The following SLC24A2 variants were observed in gnomAD, a reference collection of about 807,000 sequenced individuals.
SLC24A2 encodes the protein solute carrier family 24 member 2.
Under a neutral mutation model 62.0 loss-of-function variants are expected in SLC24A2, and 36 were observed. That is an observed-to-expected ratio of 0.58 (90% confidence interval 0.44 to 0.77). SLC24A2 has a LOEUF of 0.77. Among genes scored for constraint, SLC24A2 ranks in the 30% least tolerant of loss-of-function variants. SLC24A2 has a pLI of 0.00. For missense variants in SLC24A2, 846 were observed against 817.9 expected (o/e 1.03, Z -0.42); for synonymous variants, 358 against 294.0 (o/e 1.22, Z -2.23).
At chr9:19,918,819 T>C in the SLC24A2 span, among the ~76,000 whole-genome samples, 1 of 152,230 alleles carries the variant, frequency 6.6e-6, no homozygotes, top group Admixed American at 6.5e-5. Context: ...TCAGAGGAAC[T>C]GCCCTTACCA....
At chr9:19,895,939 T>C in the SLC24A2 span, 6 of 1,613,322 alleles carry the variant, frequency 3.7e-6, no homozygotes, top group Admixed American at 5.0e-5. Context: ...GTCAAACAGC[T>C]GCACGTGCTC....
the SLC24A2 span, among the ~76,000 whole-genome samples, chr9:20,152,631 G>C: frequency 6.6e-6 from 1 of 151,888 alleles, no homozygotes. Context: ...CAAACAATCA[G>C]TCTGGGAGTG....
the SLC24A2 span, among the ~76,000 whole-genome samples, chr9:20,104,569 T>C: frequency 6.6e-6 from 1 of 152,230 alleles, no homozygotes; most frequent in African/African-American, 2.4e-5. Context: ...AAAAGAACTT[T>C]CAACCCAGAA....
chr9:19,687,079 G>T (rs1385874229), intron 2 of SLC24A2, among the ~76,000 whole-genome samples: 1 of 152,024 alleles, frequency 6.6e-6, no homozygotes, highest in Non-Finnish European at 1.5e-5. Flanking sequence ...GCTAAACATT[G>T]AGTACACATA....
intron 2 of SLC24A2, among the ~76,000 whole-genome samples, chr9:19,654,882 C>T (rs568986779): frequency 2.9e-4 from 44 of 152,236 alleles, no homozygotes; most frequent in Non-Finnish European, 4.4e-5. Context: ...TGGAGACAAA[C>T]AAAAGGGACC....
the SLC24A2 span, among the ~76,000 whole-genome samples, chr9:19,906,140 G>A: frequency 3.9e-5 from 6 of 152,324 alleles, no homozygotes; most frequent in African/African-American, 1.4e-4. Context: ...TCAGACCACA[G>A]TGCAATCAAA....
At chr9:19,811,726 T>C in the SLC24A2 span, among the ~76,000 whole-genome samples, 27,457 of 152,154 alleles carry the variant, frequency 0.18, 3,093 homozygotes, top group South Asian at 0.31. Flanking sequence ...TCTGATAACA[T>C]TAAAACTTTA....
Position 19,779,507 on chromosome 9 carries a change from T to G in SLC24A2, c.930+6430A>C, listed in dbSNP as rs142473709. On this transcript the variant is annotated intron_variant, in intron 2 of 10. Transcript: ENST00000341998. Reference sequence around the variant, plus strand: ...CTACTCACTACTTTTGTCCTATATTTCAAGAACAAAAGTGAAATAAAACTC... The same window carrying G: ...CTACTCACTACTTTTGTCCTATATTGCAAGAACAAAAGTGAAATAAAACTC... 2.1e-3 allele frequency among the ~76,000 whole-genome samples: 321 copies of G among 152,310 alleles called. 4 individuals carry two copies. Among genetic ancestry groups the G allele is most frequent in the African/African-American group, 7.4e-3 (309 of 41,568 alleles).
At chr9:19,902,361 G>A in the SLC24A2 span, among the ~76,000 whole-genome samples, 2 of 152,234 alleles carry the variant, frequency 1.3e-5, no homozygotes, top group African/African-American at 4.8e-5. Context: ...AATGGAAAAA[G>A]GACATTTTAG....
rs904626987 is a variant in SLC24A2 at position 19,631,009 on chromosome 9, C to T, written c.931-8710G>A. Among the ~76,000 whole-genome samples, 39 of 152,138 alleles carry T rather than the reference C, an allele frequency of 2.6e-4. 1 individual carries two copies. Among genetic ancestry groups the T allele is most frequent in the Admixed American group, 6.6e-5 (1 of 15,262 alleles). The stretch of plus-strand genomic sequence containing the variant: ...TGGCTACTTCCACATTCCATTTCCA[C>T]TGTGTGTCCCCTCCTCCCCACTTCC... On this transcript the variant is annotated intron_variant, in intron 2 of 10. Coordinates refer to ENST00000341998, the MANE Select transcript of SLC24A2 (RefSeq NM_020344.4).
At chr9:20,076,093 C>A in the SLC24A2 span, among the ~76,000 whole-genome samples, 1 of 151,344 alleles carries the variant, frequency 6.6e-6, no homozygotes, top group Non-Finnish European at 1.5e-5. Flanking sequence ...TGCAATCATT[C>A]TTTTTTTTTC....
At chr9:20,026,418 T>A in the SLC24A2 span, among the ~76,000 whole-genome samples, 1 of 152,210 alleles carries the variant, frequency 6.6e-6, no homozygotes, top group Non-Finnish European at 1.5e-5. Flanking sequence ...TTGGAGCTAT[T>A]ATTAGCTATT....
At chr9:19,916,776 C>A in the SLC24A2 span, among the ~76,000 whole-genome samples, 8 of 151,630 alleles carry the variant, frequency 5.3e-5, no homozygotes, top group Non-Finnish European at 1.2e-4. Context: ...GTTTTTCTGG[C>A]GTAAATGTTG....
chr9:20,018,772 A>G, the SLC24A2 span, among the ~76,000 whole-genome samples: 1 of 152,080 alleles, frequency 6.6e-6, no homozygotes, highest in Non-Finnish European at 1.5e-5. Flanking sequence ...ACATGAAAAA[A>G]AACCCATATC....
chr9:19,584,955 C>T (rs1437066083), intron 5 of SLC24A2, among the ~76,000 whole-genome samples: 1 of 152,042 alleles, frequency 6.6e-6, no homozygotes, highest in Non-Finnish European at 1.5e-5. Flanking sequence ...TAATGAACCA[C>T]ATAATAGAGA....
intron 8 of SLC24A2, among the ~76,000 whole-genome samples, chr9:19,542,203 T>A (rs1834301581): frequency 6.6e-6 from 1 of 152,166 alleles, no homozygotes; most frequent in Admixed American, 6.5e-5. Context: ...ACCGGAGCTG[T>A]TCCTATTCGG....
At chr9:19,962,662 T>C in the SLC24A2 span, among the ~76,000 whole-genome samples, 6 of 152,174 alleles carry the variant, frequency 3.9e-5, no homozygotes, top group Non-Finnish European at 7.4e-5. Flanking sequence ...TGGCTCTCTG[T>C]CTGTTATTGG....
At chr9:19,685,884 A>T (rs571317765) in intron 2 of SLC24A2, among the ~76,000 whole-genome samples, 119 of 152,288 alleles carry the variant, frequency 7.8e-4, no homozygotes, top group African/African-American at 2.6e-3. Flanking sequence ...TGAAGATGCC[A>T]AAAACAAATG....
chr9:20,115,367 C>A, the SLC24A2 span, among the ~76,000 whole-genome samples: 1 of 152,092 alleles, frequency 6.6e-6, no homozygotes, highest in African/African-American at 2.4e-5. Flanking sequence ...TTTGGAAGAA[C>A]TACCCTCAGT....
Sources: allele counts gnomAD v4.1 joint callset (sites outside exome capture counted in the v4.1 genomes callset), GRCh38; gene constraint gnomAD v4.1.1; transcripts MANE v1.5; gene names NCBI Gene and HGNC (gene_info 2026-07-23, HGNC 2026-07-21).